The following DNAH11 variants were observed in gnomAD, a reference collection of about 807,000 sequenced individuals.
The protein encoded by DNAH11 is axonemal beta dynein heavy chain 11.
In DNAH11, 442 loss-of-function variants were observed where a neutral mutation model predicts 526.0. That is an observed-to-expected ratio of 0.84 (90% CI 0.78 to 0.91). The LOEUF is 0.91. Among genes scored for constraint, DNAH11 ranks in the 40% least tolerant of loss-of-function variants. DNAH11 has a pLI of 0.00. For synonymous variants in DNAH11, 2,461 were observed against 1,935.9 expected (o/e 1.27, Z -7.12); for missense variants, 6,989 against 5,448.7 (o/e 1.28, Z -8.90).
chr7:21,822,598 C>G (rs1221956787), intron 65 of DNAH11, among the ~76,000 whole-genome samples: 2 of 152,184 alleles, frequency 1.3e-5, no homozygotes, highest in Non-Finnish European at 2.9e-5. Flanking sequence ...CATGGGAATG[C>G]AGATACTTTT....
In DNAH11 at chr7:21,588,177, A is replaced by G. The variant is rs188265394; in HGVS notation, c.1824A>G (p.Gln608=). ...ATACAGAGCTGGATGTGTGTAAGCA[A>G]CTGTATAATGAACACATGAAACAGG... ...MFNTELDVCK[Q]LYNEHMKQIE... is the part of the protein sequence containing the mutation. Residue 608 remains glutamine (Q), a synonymous_variant, in exon 10 of 82, where the codon CAA becomes CAG. Coordinates refer to ENST00000409508, the MANE Select transcript of DNAH11 (RefSeq NM_001277115.2). The G allele has an allele frequency of 4.4e-5, 71 of 1,612,992 alleles. No homozygotes were observed. In the African/African-American group the frequency reaches 8.0e-4, roughly 18 times the overall value.
intron 25 of DNAH11, among the ~76,000 whole-genome samples, chr7:21,628,528 T>C (rs1248827846): frequency 1.2e-4 from 19 of 152,182 alleles, no homozygotes; most frequent in Non-Finnish European, 2.8e-4. Context: ...AAATGTCTTT[T>C]TGAAATTTGT....
At chr7:21,695,418 G>A (rs911320861) in intron 35 of DNAH11, among the ~76,000 whole-genome samples, 15 of 152,122 alleles carry the variant, frequency 9.9e-5, no homozygotes, top group South Asian at 2.1e-4. Flanking sequence ...GGAACAGAAC[G>A]GAGGCCTCAG....
At chr7:21,844,976 A>G (rs1782359644) in intron 66 of DNAH11, among the ~76,000 whole-genome samples, 1 of 152,218 alleles carries the variant, frequency 6.6e-6, no homozygotes, top group African/African-American at 2.4e-5. Flanking sequence ...TCAAAGGACC[A>G]CTGGCTTGCT....
At chr7:21,772,043 C>A (rs1371785432) in intron 55 of DNAH11, among the ~76,000 whole-genome samples, 1 of 152,094 alleles carries the variant, frequency 6.6e-6, no homozygotes. Flanking sequence ...CAGGGAAGAC[C>A]AGTCATCAAA....
At chr7:21,671,122 G>A (rs1278978703) in intron 30 of DNAH11, among the ~76,000 whole-genome samples, 7 of 152,130 alleles carry the variant, frequency 4.6e-5, no homozygotes, top group Non-Finnish European at 8.8e-5. Flanking sequence ...TTTCTTTATA[G>A]AACATTTTTT....
chr7:21,560,588 G>A (rs570184160), intron 4 of DNAH11, among the ~76,000 whole-genome samples: 4 of 152,298 alleles, frequency 2.6e-5, no homozygotes, highest in Middle Eastern at 3.4e-3. Context: ...GGCAGGAAGC[G>A]TCCAGCATGG....
At chr7:21,875,690 T>C (rs184635265) in intron 74 of DNAH11, among the ~76,000 whole-genome samples, 1 of 152,130 alleles carries the variant, frequency 6.6e-6, no homozygotes, top group Non-Finnish European at 1.5e-5. Flanking sequence ...TAAAAATATG[T>C]TGCATATAAT....
chr7:21,791,981 G>T (rs999795303), intron 61 of DNAH11, among the ~76,000 whole-genome samples: 1 of 152,108 alleles, frequency 6.6e-6, no homozygotes, highest in Non-Finnish European at 1.5e-5. Context: ...TGCTTTGGGC[G>T]GGGCCTCAGG....
At position 21,852,798 on chromosome 7, in the gene DNAH11, G is replaced by A. The variant is rs2074326; in HGVS notation, c.11061+167G>A. ...ACTGTGTGGGATTGTAAATGGAGAT[G>A]GAGATGGTTGAATGTGTGCTTCTCC... On this transcript the variant is annotated intron_variant, in intron 67 of 81. Coordinates refer to ENST00000409508, the MANE Select transcript of DNAH11 (RefSeq NM_001277115.2). 0.51 allele frequency among the ~76,000 whole-genome samples: 77,830 copies of A among 152,088 alleles called. 21,744 individuals are homozygous for A. The highest frequency in any genetic ancestry group is 0.64 in the Non-Finnish European group (43,477 of 67,990).
chr7:21,897,676 C>T (rs1033632166), intron 79 of DNAH11, among the ~76,000 whole-genome samples: 39 of 152,200 alleles, frequency 2.6e-4, no homozygotes, highest in African/African-American at 5.5e-4. Flanking sequence ...AGTGCAGTGA[C>T]GTGATCGCAG....
intron 20 of DNAH11, among the ~76,000 whole-genome samples, chr7:21,611,470 C>A (rs2128450872): frequency 6.6e-6 from 1 of 152,252 alleles, no homozygotes; most frequent in South Asian, 2.1e-4. Context: ...ATGAAACTTC[C>A]CTCATGTATC....
chr7:21,655,729 T>A, intron 28 of DNAH11, 103 bp from the exon 29 acceptor site: 1 of 1,192,676 alleles, frequency 8.4e-7, no homozygotes, highest in Middle Eastern at 2.1e-4. Flanking sequence ...GAGACAACTC[T>A]AACTCCATAA....
chr7:21,668,969 A>G, intron 30 of DNAH11, among the ~76,000 whole-genome samples: 1 of 152,168 alleles, frequency 6.6e-6, no homozygotes. Flanking sequence ...GTTGCTTTAT[A>G]TACTCGCTCA....
chr7:21,545,118 C>G lies in DNAH11; in HGVS notation c.464C>G (p.Ser155Cys). ...TTATTTGGAGAGTTACCTGCGTTGTCTCTTGGACATGTATCTGCTTTCCTT... is the reference window on the plus strand; with the variant it reads ...TTATTTGGAGAGTTACCTGCGTTGTGTCTTGGACATGTATCTGCTTTCCTT... Reference protein sequence around the residue: ...VVLFGELPALSLGHVSAFLDE... With the variant: ...VVLFGELPALCLGHVSAFLDE... Residue 155 changes from serine to cysteine, a missense_variant, in exon 2 of 82, where the codon TCT becomes TGT. Coordinates refer to ENST00000409508, the MANE Select transcript of DNAH11 (RefSeq NM_001277115.2). 1.2e-6 allele frequency: 2 copies of G among 1,610,642 alleles called. No homozygotes were observed. The highest frequency in any genetic ancestry group is 1.7e-6 in the Non-Finnish European group (2 of 1,178,278).
At chr7:21,900,663 G>C (rs998050635) in intron 81 of DNAH11, among the ~76,000 whole-genome samples, 1 of 152,196 alleles carries the variant, frequency 6.6e-6, no homozygotes, top group Non-Finnish European at 1.5e-5. Context: ...TGGTGTAAAA[G>C]AATAAGGTGC....
chr7:21,589,431 T>C, intron 12 of DNAH11, 28 bp downstream of exon 12: 1 of 1,539,252 alleles, frequency 6.5e-7, no homozygotes, highest in Non-Finnish European at 8.8e-7. Flanking sequence ...TAAGATGATT[T>C]ATAAGTGCCC....
Position 21,717,913 on chromosome 7 carries a change from T to A in DNAH11, c.7122T>A (p.Ser2374Arg). The change falls in exon 43 of 82, where the codon AGT (serine) becomes AGA (arginine). Residue 2374 changes from serine (S) to arginine (R), a missense_variant. Coordinates refer to ENST00000409508, the MANE Select transcript of DNAH11 (RefSeq NM_001277115.2). ...AAACCATCACTTCAATTCCTGAGAGTAGCCTGGTGCAGGTTTGTCTTCGGT... is the reference window on the plus strand; with the variant it reads ...AAACCATCACTTCAATTCCTGAGAGAAGCCTGGTGCAGGTTTGTCTTCGGT... Reference protein sequence around the residue: ...SFKTITSIPESSLVQTLCVLL... With the variant: ...SFKTITSIPERSLVQTLCVLL... 1 of 1,613,046 alleles carries A rather than the reference T, an allele frequency of 6.2e-7. No individual in the cohort carries two copies. The highest frequency in any genetic ancestry group is 1.3e-5 in the African/African-American group (1 of 75,000).
rs779521671 is a variant in DNAH11 at position 21,687,121 on chromosome 7, T to A, written c.5644T>A (p.Ser1882Thr). ...AAGGTGTTATATTACCTTAACTCAATCACTTCATCTAACCATGAGTGGGGC... is the reference window on the plus strand; with the variant it reads ...AAGGTGTTATATTACCTTAACTCAAACACTTCATCTAACCATGAGTGGGGC... ...TDRCYITLTQSLHLTMSGAPA... is the reference protein window; with the variant it reads ...TDRCYITLTQTLHLTMSGAPA... The change falls in exon 33 of 82, where the codon TCA becomes ACA. Residue 1882 changes from serine to threonine, a missense_variant. Physicochemically the swap from Ser to Thr is moderately conservative, Grantham distance 58. Coordinates refer to ENST00000409508, the MANE Select transcript of DNAH11 (RefSeq NM_001277115.2). The A allele has an allele frequency of 8.1e-6, 13 of 1,613,170 alleles. No homozygotes were observed. The highest frequency in any genetic ancestry group is 1.1e-5 in the Non-Finnish European group (13 of 1,179,634).
Sources: allele counts gnomAD v4.1 joint callset (sites outside exome capture counted in the v4.1 genomes callset), GRCh38; gene constraint gnomAD v4.1.1; transcripts MANE v1.5; gene names NCBI Gene and HGNC (gene_info 2026-07-23, HGNC 2026-07-21).